RIF1: variants seen among roughly 807,000 people sequenced by gnomAD.
RIF1 encodes the protein replication timing regulatory factor 1.
In RIF1, 45 loss-of-function variants were observed where a neutral mutation model predicts 247.1. The observed-to-expected ratio is 0.18, with a 90% CI of 0.14 to 0.23. The LOEUF is 0.23. RIF1 is among the 10% of genes least tolerant of loss of function. The pLI, the probability that RIF1 is intolerant of heterozygous loss-of-function variation, is 1.00. For missense variants in RIF1, 2,967 were observed against 2,862.5 expected (o/e 1.04, Z -0.83); for synonymous variants, 1,087 against 978.8 (o/e 1.11, Z -2.06).
At chr2:151,466,770 T>G (rs2152510948) in intron 30 of RIF1, among the ~76,000 whole-genome samples, 1 of 152,376 alleles carries the variant, frequency 6.6e-6, no homozygotes, top group Admixed American at 6.5e-5. Flanking sequence ...TCAACTTGTC[T>G]TATACTTAAC....
downstream of RIF1, among the ~76,000 whole-genome samples, chr2:151,510,807 G>T (rs534467862): frequency 1.3e-5 from 2 of 152,138 alleles, no homozygotes; most frequent in African/African-American, 4.8e-5. Context: ...TATCCCCCTC[G>T]GATAAGAGGA....
chr2:151,424,087 T>C (rs1042543085), intron 8 of RIF1, among the ~76,000 whole-genome samples: 12 of 152,196 alleles, frequency 7.9e-5, no homozygotes, highest in Non-Finnish European at 4.4e-5. Context: ...GTCTGGCTTA[T>C]TTCACTAAGC....
At chr2:151,426,737 C>G (rs1381457753) in intron 8 of RIF1, among the ~76,000 whole-genome samples, 1 of 151,770 alleles carries the variant, frequency 6.6e-6, no homozygotes. Flanking sequence ...ACCTCAGCCT[C>G]CCGGGTTCAA....
intron 9 of RIF1, chr2:151,493,516 G>A: frequency 1.0e-6 from 1 of 993,162 alleles, no homozygotes; most frequent in Non-Finnish European, 1.5e-6. Flanking sequence ...CACTTAGCTG[G>A]TGTTATGGCT....
rs1402046000 is a variant in RIF1, at chr2:151,441,893, T to C, written c.1648-12T>C. ...ACGGCTAATTTACTGTAAAACCTTT[T>C]ATCTCTCATAGGTCCTCATGGAAAT... On this transcript the variant is annotated splice_polypyrimidine_tract_variant and intron_variant, in intron 15 of 35. Coordinates refer to ENST00000444746, the MANE Select transcript of RIF1 (RefSeq NM_018151.5). 1 of 1,354,264 alleles carries C rather than the reference T, an allele frequency of 7.4e-7. No individual in the cohort carries two copies. The highest frequency in any genetic ancestry group is 1.0e-6 in the Non-Finnish European group (1 of 962,414). The allele number at this position is 1,354,264 out of a possible 1,614,324, so 83.9% of individuals were successfully genotyped here.
chr2:151,463,788 AAGT>A lies in RIF1; in HGVS notation c.4274_4276del (p.Val1425del). ...AGACGGTCTTCAAGGCGACGTTCAG[AAGT>A]AGTAGAGTCTACCACTGAAAGCCAA... is the stretch of plus-strand genomic sequence containing the variant. On this transcript the variant is annotated inframe_deletion, in exon 30 of 36. Coordinates refer to ENST00000444746, the MANE Select transcript of RIF1 (RefSeq NM_018151.5). The A allele has an allele frequency of 1.2e-6, 2 of 1,613,876 alleles. No individual in the cohort carries two copies. The highest frequency in any genetic ancestry group is 1.7e-6 in the Non-Finnish European group (2 of 1,179,962).
rs948423784 is a variant in RIF1, at chr2:151,441,801, G to A, written c.1648-104G>A. ...CTAATGAGATTATATTTACGTTAATGAATGAACATTACTTGTAATTGTTAG... is the reference window on the plus strand; with the variant it reads ...CTAATGAGATTATATTTACGTTAATAAATGAACATTACTTGTAATTGTTAG... On this transcript the variant is annotated intron_variant, in intron 15 of 35. Coordinates refer to ENST00000444746, the MANE Select transcript of RIF1 (RefSeq NM_018151.5). 5.3e-5 allele frequency: 27 copies of A among 509,018 alleles called. No individual in the cohort carries two copies. The East Asian group carries it at 1.1e-3, about 21-fold the overall frequency. 31.5% of individuals were successfully genotyped at this position (509,018 alleles called of 1,614,324 possible). A position where few individuals can be genotyped will look rare whatever the true frequency, so the allele number is the denominator to read the frequency against.
rs1230529501 is a variant in RIF1 at position 151,461,239 on chromosome 2, A to G, written c.3177A>G (p.Ala1059=). The change falls in exon 27 of 36, where the codon GCA becomes GCG. Residue 1059 remains alanine, a synonymous_variant. Coordinates refer to ENST00000444746, the MANE Select transcript of RIF1 (RefSeq NM_018151.5). ...TTATACCTCCAGAAGGAAAAGATGCAAAGGAAAGAATATTAACTGATCATC... is the reference window on the plus strand; with the variant it reads ...TTATACCTCCAGAAGGAAAAGATGCGAAGGAAAGAATATTAACTGATCATC... ...FVFIPPEGKD[A]KERILTDHQK... The G allele has an allele frequency of 6.2e-7, 1 of 1,613,582 alleles. No individual in the cohort carries two copies. Among genetic ancestry groups the G allele is most frequent in the Non-Finnish European group, 8.5e-7 (1 of 1,179,880 alleles).
rs1034876634 is a variant in RIF1 at position 151,477,477 on chromosome 2, C to G, written c.*2406C>G. On this transcript the variant is annotated 3_prime_UTR_variant, in exon 36 of 36. Transcript: ENST00000444746. ...TTGCCTATGCTGGAGTGCAATGGTGCGATCTCGGTTCACTGCAAGCTCTGC... is the reference window on the plus strand; with the variant it reads ...TTGCCTATGCTGGAGTGCAATGGTGGGATCTCGGTTCACTGCAAGCTCTGC... 6.6e-6 allele frequency: 1 copy of G among 151,536 alleles called. No homozygotes were observed. Among genetic ancestry groups the G allele is most frequent in the South Asian group, 2.1e-4 (1 of 4,808 alleles). The allele number at this position is 151,536 out of a possible 1,614,324, so 9.4% of individuals were successfully genotyped here.
chr2:151,531,755 T>G, the RIF1 span: 4 of 1,477,914 alleles, frequency 2.7e-6, no homozygotes, highest in Non-Finnish European at 3.8e-6. Context: ...AGATGCCCCC[T>G]GAGTTTGAGA....
At chr2:151,456,985 C>T (rs1164998872) in intron 23 of RIF1, among the ~76,000 whole-genome samples, 3 of 152,150 alleles carry the variant, frequency 2.0e-5, no homozygotes, top group South Asian at 2.1e-4. Context: ...TCGCCTGCCT[C>T]GGCTTCCCGA....
chr2:151,483,614 C>T (rs946661023), downstream of RIF1, among the ~76,000 whole-genome samples: 6 of 152,124 alleles, frequency 3.9e-5, no homozygotes, highest in Admixed American at 1.3e-4. Context: ...ATATTAAAAT[C>T]CCTAGTGTAA....
intron 10 of RIF1, chr2:151,497,255 G>A: frequency 1.1e-6 from 1 of 887,458 alleles, no homozygotes; most frequent in East Asian, 1.2e-4. Context: ...AGCTGCTGGG[G>A]AAAGGCTGTC....
chr2:151,485,969 G>A (rs747518320), downstream of RIF1: 2 of 1,600,724 alleles, frequency 1.2e-6, no homozygotes, highest in Non-Finnish European at 1.7e-6. Flanking sequence ...AATATTATAT[G>A]TTGGATTTGC....
chr2:151,426,001 A>G (rs759835183), intron 8 of RIF1, among the ~76,000 whole-genome samples: 14 of 151,424 alleles, frequency 9.2e-5, no homozygotes, highest in African/African-American at 2.9e-4. Context: ...TTGAAAATCA[A>G]TTGAACATAG....
At chr2:151,415,583 AAAG>A (rs1310315231) in intron 4 of RIF1, among the ~76,000 whole-genome samples, 76 of 15,686 alleles carry the variant, frequency 4.8e-3, no homozygotes, top group African/African-American at 5.2e-3. Context: ...AAAAAAAAAA[AAAG>A]GATATTGCTG....
At position 151,465,303 on chromosome 2, in the gene RIF1, A is replaced by C. The variant is rs773148401; in HGVS notation, c.5783A>C (p.His1928Pro). ...AATGTAGGAAATGAAGCTAGCTTTC[A>C]TGGACAAGAGAGAACCAAAACTGGT... ...ELNVGNEASF[H>P]GQERTKTGIS... Residue 1928 changes from histidine (H) to proline (P), a missense_variant, in exon 30 of 36, where the codon CAT becomes CCT. His to Pro is a moderately conservative substitution (Grantham distance 77). This residue lies in a region of RIF1 where 2,028 missense variants were observed against 1,825.6 expected (regional missense o/e 1.11). Transcript: ENST00000444746. 3.7e-6 allele frequency: 6 copies of C among 1,612,926 alleles called. No individual in the cohort carries two copies. Among genetic ancestry groups the C allele is most frequent in the African/African-American group, 1.3e-5 (1 of 74,922 alleles).
intron 20 of RIF1, 117 bp from the exon 21 acceptor site, chr2:151,451,489 A>G (rs1259671082): frequency 1.6e-6 from 1 of 641,764 alleles, no homozygotes; most frequent in Non-Finnish European, 2.9e-6. Flanking sequence ...AAGCTGTGGC[A>G]TGTGTGTTAC....
intron 22 of RIF1, 55 bp downstream of exon 22, chr2:151,455,214 G>A: frequency 7.4e-7 from 1 of 1,345,978 alleles, no homozygotes; most frequent in Non-Finnish European, 1.0e-6. Context: ...TTAAATATAG[G>A]TAGCAACTTT....
Sources: gnomAD v4.1 joint callset for allele counts (sites outside exome capture counted in the v4.1 genomes callset) on GRCh38, gnomAD v4.1.1 for gene constraint, gnomAD v4.1.1 regional missense constraint, MANE v1.5 for transcripts, NCBI Gene and HGNC (gene_info 2026-07-23, HGNC 2026-07-21) for gene names.